The following ARHGEF10 variants were observed in gnomAD, a reference collection of about 807,000 sequenced individuals.
ARHGEF10 encodes the protein Rho guanine nucleotide exchange factor 10, also known as Rho guanine nucleotide exchange factor (GEF) 10.
In ARHGEF10, 140 loss-of-function variants were observed where a neutral mutation model predicts 147.4. The observed-to-expected ratio is 0.95, with a 90% CI of 0.83 to 1.09. The LOEUF is 1.09. ARHGEF10 is among the 50% of genes least tolerant of loss of function. ARHGEF10 has a pLI of 0.00. For synonymous variants in ARHGEF10, 902 were observed against 695.8 expected (o/e 1.30, Z -4.67); for missense variants, 2,222 against 1,752.7 (o/e 1.27, Z -4.78).
chr8:1,929,214 T>TA, intron 24 of ARHGEF10, 72 bp from the exon 25 acceptor site: 1 of 1,510,768 alleles, frequency 6.6e-7, no homozygotes, highest in Non-Finnish European at 9.2e-7. Context: ...TGTTTGTGTT[T>TA]ATGTTAACAG....
At chr8:1,900,585 T>C (rs1028440730) in intron 15 of ARHGEF10, among the ~76,000 whole-genome samples, 2 of 152,202 alleles carry the variant, frequency 1.3e-5, no homozygotes, top group African/African-American at 2.4e-5. Flanking sequence ...CGGACGGGCA[T>C]GGCCTGCCTG....
At chr8:1,897,180 G>C (rs1262419534) in intron 14 of ARHGEF10, among the ~76,000 whole-genome samples, 2 of 152,230 alleles carry the variant, frequency 1.3e-5, no homozygotes, top group Non-Finnish European at 2.9e-5. Context: ...CTTGGAAACT[G>C]CTGCTACCTG....
intron 18 of ARHGEF10, 21 bp downstream of exon 18, chr8:1,909,491 C>T (rs368546457): frequency 2.0e-5 from 32 of 1,613,002 alleles, no homozygotes; most frequent in Non-Finnish European, 2.5e-5. Context: ...CTTTCTCTCA[C>T]GTTCGTGCCG....
chr8:1,845,997 G>C (rs1252662041), intron 2 of ARHGEF10, among the ~76,000 whole-genome samples: 1 of 152,224 alleles, frequency 6.6e-6, no homozygotes, highest in Non-Finnish European at 1.5e-5. Context: ...TCTGGGTGCA[G>C]CTGGACTGGC....
At position 1,957,216 on chromosome 8, in the gene ARHGEF10, C is replaced by G. The variant is rs1156736935; in HGVS notation, c.3988C>G (p.Leu1330Val). Residue 1330 changes from leucine (L) to valine (V), a missense_variant, in exon 29 of 29, where the codon CTG (leucine) becomes GTG (valine). Physicochemically the swap from Leu to Val is conservative, Grantham distance 32. Transcript: ENST00000349830. The part of the protein sequence containing the change: ...RKARQPHQEE[L>V]APTVMVWQIP... The stretch of plus-strand genomic sequence containing the variant: ...GGCCCGGCAGCCCCACCAGGAAGAG[C>G]TGGCGCCGACCGTCATGGTCTGGCA... 6.2e-7 allele frequency: 1 copy of G among 1,612,034 alleles called. No homozygotes were observed. Among genetic ancestry groups the G allele is most frequent in the South Asian group, 1.1e-5 (1 of 91,062 alleles).
chr8:1,928,623 C>A lies in ARHGEF10; in HGVS notation c.2894C>A (p.Thr965Lys). ...GCCGTGAGAGCTTCTGATGTCCCCA[C>A]GATCTGTGTAGGGACGGAGGAGGGA... ...TPAVRASDVP[T>K]ICVGTEEGSI... is the part of the protein sequence containing the mutation. The change falls in exon 24 of 29, where the codon ACG becomes AAG. Residue 965 changes from threonine (T) to lysine (K), a missense_variant. Coordinates refer to ENST00000349830, the MANE Select transcript of ARHGEF10 (RefSeq NM_014629.4). 1 of 1,614,162 alleles carries A rather than the reference C, an allele frequency of 6.2e-7. No homozygotes were observed. Among genetic ancestry groups the A allele is most frequent in the Non-Finnish European group, 8.5e-7 (1 of 1,180,044 alleles).
rs766843562 is a variant in ARHGEF10, at chr8:1,888,329, T to TG, written c.1182+2623dup. Among the ~76,000 whole-genome samples, 10 of 46,606 alleles carry TG rather than the reference T, an allele frequency of 2.1e-4. 1 individual carries two copies. Among genetic ancestry groups the TG allele is most frequent in the Non-Finnish European group, 2.9e-4 (7 of 24,086 alleles). The allele number at this position is 46,606 out of a possible 152,430, so 30.6% of individuals were successfully genotyped here. A position where few individuals can be genotyped will look rare whatever the true frequency, so the allele number is the denominator to read the frequency against. ...TGTGAGGATATGCTGAGTGGGATGT[T>TG]GACTGTGAGGAGACACTGAGTGGGG... On this transcript the variant is annotated intron_variant, in intron 11 of 28. Coordinates refer to ENST00000349830, the MANE Select transcript of ARHGEF10 (RefSeq NM_014629.4).
chr8:1,898,367 C>T lies in ARHGEF10; in HGVS notation c.1558-66C>T, dbSNP rs925916354. ...AGTGTTCAGTGTGGTGGGGAGGAGG[C>T]GGCCCCAGGGGCAGGGAGGGCATGG... On this transcript the variant is annotated intron_variant, in intron 14 of 28. Coordinates refer to ENST00000349830, the MANE Select transcript of ARHGEF10 (RefSeq NM_014629.4). 40 of 1,415,814 alleles carry T rather than the reference C, an allele frequency of 2.8e-5. No individual in the cohort carries two copies. The East Asian group carries it at 6.0e-4, about 21-fold the overall frequency. 87.7% of individuals were successfully genotyped at this position (1,415,814 alleles called of 1,614,324 possible).
At chr8:1,834,081 C>A (rs964440824) in intron 1 of ARHGEF10, among the ~76,000 whole-genome samples, 1 of 152,198 alleles carries the variant, frequency 6.6e-6, no homozygotes, top group Non-Finnish European at 1.5e-5. Flanking sequence ...GCTGTCTGGA[C>A]ACCACCCTCA....
At position 1,894,502 on chromosome 8, in the gene ARHGEF10, A is replaced by C. The variant is rs376608548; in HGVS notation, c.1370A>C (p.Gln457Pro). ...KEILQCHSLF[Q>P]IALASRVSEW... ...ATCCTGCAGTGCCACTCGCTATTTC[A>C]GATCGCGCTGGCCAGCCGCGTTTCC... is the stretch of plus-strand genomic sequence containing the variant. Residue 457 changes from glutamine to proline, a missense_variant, in exon 13 of 29, where the codon CAG (glutamine) becomes CCG (proline). Gln to Pro is a moderately conservative substitution (Grantham distance 76, BLOSUM62 -1). Coordinates refer to ENST00000349830, the MANE Select transcript of ARHGEF10 (RefSeq NM_014629.4). The C allele has an allele frequency of 9.3e-6, 15 of 1,614,102 alleles. No individual in the cohort carries two copies. The highest frequency in any genetic ancestry group is 1.3e-5 in the Non-Finnish European group (15 of 1,180,052).
chr8:1,889,931 C>T lies in ARHGEF10; in HGVS notation c.1183-3638C>T, dbSNP rs1377339739. ...CTTTGTTAGGAGGCAGTGAGTGGGG[C>T]GAGGGTTGTGAGGAGACACTGAGTG... is the stretch of plus-strand genomic sequence containing the variant. On this transcript the variant is annotated intron_variant, in intron 11 of 28. Transcript: ENST00000349830. Among the ~76,000 whole-genome samples, 53 of 85,342 alleles carry T rather than the reference C, an allele frequency of 6.2e-4. 1 individual carries two copies. Among genetic ancestry groups the T allele is most frequent in the African/African-American group, 2.0e-3 (38 of 19,110 alleles). The allele number at this position is 85,342 out of a possible 152,430, so 56.0% of individuals were successfully genotyped here.
chr8:1,863,034 C>T (rs566756731), intron 4 of ARHGEF10, among the ~76,000 whole-genome samples: 14 of 152,200 alleles, frequency 9.2e-5, no homozygotes, highest in Admixed American at 4.6e-4. Flanking sequence ...CCGCCCGCCT[C>T]AGCCTCCGAA....
At chr8:1,944,740 C>T (rs1324302025) in intron 26 of ARHGEF10, among the ~76,000 whole-genome samples, 3 of 152,228 alleles carry the variant, frequency 2.0e-5, no homozygotes, top group Non-Finnish European at 4.4e-5. Context: ...CTCTAAGCTT[C>T]ATCCCAGCCC....
At chr8:1,838,927 GC>G (rs1440005669) in intron 1 of ARHGEF10, among the ~76,000 whole-genome samples, 1 of 150,120 alleles carries the variant, frequency 6.7e-6, no homozygotes. Context: ...CCAGTGTGGG[GC>G]TGTCTGGTGT....
At position 1,898,426 on chromosome 8, in the gene ARHGEF10, C is replaced by G. The variant is rs1810189450; in HGVS notation, c.1558-7C>G. On this transcript the variant is annotated splice_region_variant and splice_polypyrimidine_tract_variant and intron_variant, in intron 14 of 28. Coordinates refer to ENST00000349830, the MANE Select transcript of ARHGEF10 (RefSeq NM_014629.4). ...CAGGGAGGTGACCCCGGTGCCTTCC[C>G]CCACAGCAGGAACAGGAGGCCAGCC... The G allele has an allele frequency of 1.9e-6, 3 of 1,613,972 alleles. No individual in the cohort carries two copies. Among genetic ancestry groups the G allele is most frequent in the East Asian group, 2.2e-5 (1 of 44,864 alleles).
chr8:1,862,366 T>G (rs1281115454), intron 4 of ARHGEF10, among the ~76,000 whole-genome samples: 2 of 152,272 alleles, frequency 1.3e-5, no homozygotes, highest in Non-Finnish European at 2.9e-5. Flanking sequence ...ATTCCGTTAT[T>G]TTTCCTGCCT....
In ARHGEF10 at chr8:1,857,893, T is replaced by TCTAC; in HGVS notation, c.38-64_38-63insCCTA. ...ATAGATCGATCGATCTATCTATCTA[T>TCTAC]CTATCTATCTATCTATCTATCTATC... is the stretch of plus-strand genomic sequence containing the variant. On this transcript the variant is annotated intron_variant, in intron 2 of 28. Coordinates refer to ENST00000349830, the MANE Select transcript of ARHGEF10 (RefSeq NM_014629.4). 6 of 1,105,788 alleles carry TCTAC rather than the reference T, an allele frequency of 5.4e-6. No homozygotes were observed. The South Asian group carries it at 7.8e-5, about 14-fold the overall frequency. The allele number at this position is 1,105,788 out of a possible 1,614,324, so 68.5% of individuals were successfully genotyped here.
chr8:1,910,736 G>A (rs955845052), intron 18 of ARHGEF10, among the ~76,000 whole-genome samples: 3 of 152,064 alleles, frequency 2.0e-5, no homozygotes, highest in African/African-American at 7.2e-5. Flanking sequence ...AAATTATTTG[G>A]AAACATTGAT....
At chr8:1,877,329 G>A (rs543848841) in intron 8 of ARHGEF10, among the ~76,000 whole-genome samples, 3 of 152,238 alleles carry the variant, frequency 2.0e-5, no homozygotes, top group East Asian at 3.9e-4. Flanking sequence ...CCAGGTTTAA[G>A]CCATTCTCTT....
Sources: gnomAD v4.1 joint callset for allele counts (sites outside exome capture counted in the v4.1 genomes callset) on GRCh38, gnomAD v4.1.1 for gene constraint, MANE v1.5 for transcripts, NCBI Gene and HGNC (gene_info 2026-07-23, HGNC 2026-07-21) for gene names.